The following PKD1L3 variants were observed in gnomAD, a reference collection of about 807,000 sequenced individuals.
The protein encoded by PKD1L3 is polycystin 1 like 3, transient receptor potential channel interacting.
PKD1L3 carries 239 observed loss-of-function variants against 184.1 expected under a neutral mutation model. The observed-to-expected ratio is 1.30, with a 90% CI of 1.17 to 1.45. The LOEUF (loss-of-function observed/expected upper bound fraction) is 1.45, where lower values mean the gene tolerates loss of function less well. Among genes scored for constraint, PKD1L3 ranks in the 40% most tolerant of loss-of-function variants. The pLI, the probability that PKD1L3 is intolerant of heterozygous loss-of-function variation, is 0.00. For missense variants in PKD1L3, 2,660 were observed against 2,067.2 expected (o/e 1.29, Z -5.56); for synonymous variants, 996 against 778.8 (o/e 1.28, Z -4.64).
At position 71,989,983 on chromosome 16, in the gene PKD1L3, G is replaced by A. The variant is rs191482893; in HGVS notation, c.585+297C>T. ...CCAGCTACTTGGGAGGCTGAGGCAG[G>A]AGAATCACTTGAACCCGGGAGGTAG... On this transcript the variant is annotated intron_variant, in intron 4 of 29. Coordinates refer to ENST00000620267, the MANE Select transcript of PKD1L3 (RefSeq NM_181536.2). Among the ~76,000 whole-genome samples the A allele has an allele frequency of 6.6e-3, 1,000 of 151,480 alleles. 6 individuals are homozygous for A. The highest frequency in any genetic ancestry group is 0.014 in the Middle Eastern group (4 of 290).
At chr16:71,997,420 C>A (rs1005969192) in intron 2 of PKD1L3, among the ~76,000 whole-genome samples, 5 of 151,380 alleles carry the variant, frequency 3.3e-5, no homozygotes, top group African/African-American at 7.3e-5. Context: ...GACCCCCCCC[C>A]CCACAACCAC....
intron 4 of PKD1L3, among the ~76,000 whole-genome samples, chr16:71,988,678 T>C (rs2040473703): frequency 6.6e-6 from 1 of 152,196 alleles, no homozygotes; most frequent in African/African-American, 2.4e-5. Flanking sequence ...CTCCATTCTC[T>C]TAGGGCTCCA....
chr16:71,937,464 T>TGC, intron 24 of PKD1L3, 45 bp from the exon 25 acceptor site: 1 of 1,533,896 alleles, frequency 6.5e-7, no homozygotes, highest in South Asian at 1.2e-5. Flanking sequence ...CTAAAACTTT[T>TGC]GCCCTCTTCT....
intron 15 of PKD1L3, among the ~76,000 whole-genome samples, chr16:71,964,054 G>A (rs986583741): frequency 1.3e-5 from 2 of 151,922 alleles, no homozygotes; most frequent in African/African-American, 4.8e-5. Flanking sequence ...TCTCATCTCC[G>A]CTTCACAGGC....
chr16:71,941,497 GAGA>G (rs1268649006), intron 24 of PKD1L3, among the ~76,000 whole-genome samples: 1 of 151,076 alleles, frequency 6.6e-6, no homozygotes, highest in Non-Finnish European at 1.5e-5. Flanking sequence ...AGAAAAAATG[GAGA>G]AGAAATTAAC....
At chr16:71,946,219 C>T (rs1352383596) in intron 22 of PKD1L3, among the ~76,000 whole-genome samples, 1 of 152,166 alleles carries the variant, frequency 6.6e-6, no homozygotes, top group African/African-American at 2.4e-5. Context: ...TTTTTCATCT[C>T]ACAAGGAATG....
At chr16:71,952,019 C>T (rs990394352) in intron 18 of PKD1L3, among the ~76,000 whole-genome samples, 1 of 152,068 alleles carries the variant, frequency 6.6e-6, no homozygotes, top group Admixed American at 6.6e-5. Context: ...GTACCATGCA[C>T]TCCCATTTAG....
At chr16:71,986,167 A>C in intron 5 of PKD1L3, 54 bp downstream of exon 5, 1 of 1,538,682 alleles carries the variant, frequency 6.5e-7, no homozygotes, top group South Asian at 1.2e-5. Flanking sequence ...TGGGTGAACC[A>C]AGTACTTTTT....
intron 2 of PKD1L3, among the ~76,000 whole-genome samples, chr16:71,994,458 G>C (rs966574409): frequency 1.3e-5 from 2 of 152,076 alleles, no homozygotes; most frequent in African/African-American, 4.8e-5. Flanking sequence ...CTCTCATGCT[G>C]CTACAAATCT....
At chr16:71,960,510 T>G (rs575282856) in intron 16 of PKD1L3, among the ~76,000 whole-genome samples, 1 of 151,592 alleles carries the variant, frequency 6.6e-6, no homozygotes, top group Admixed American at 6.6e-5. Context: ...AGATACAAAG[T>G]GTCAACAGGA....
chr16:71,929,757 T>C, intron 29 of PKD1L3, 79 bp from the exon 30 acceptor site: 1 of 1,323,516 alleles, frequency 7.6e-7, no homozygotes, highest in South Asian at 1.5e-5. Context: ...GTACCAAAGA[T>C]TTTTAAAAAA....
At chr16:71,968,212 G>C (rs1041492496) in intron 13 of PKD1L3, among the ~76,000 whole-genome samples, 3 of 152,132 alleles carry the variant, frequency 2.0e-5, no homozygotes, top group African/African-American at 7.2e-5. Flanking sequence ...CAGGGCCTGT[G>C]CCTCTCAAGT....
rs1298377942 is a variant in PKD1L3 at position 71,999,950 on chromosome 16, C to A, written c.29G>T (p.Trp10Leu). 4 of 1,530,294 alleles carry A rather than the reference C, an allele frequency of 2.6e-6. No homozygotes were observed. The highest frequency in any genetic ancestry group is 3.5e-6 in the Non-Finnish European group (4 of 1,131,664). The allele number at this position is 1,530,294 out of a possible 1,614,324, so 94.8% of individuals were successfully genotyped here. Residue 10 changes from tryptophan (W) to leucine (L), a missense_variant, in exon 1 of 30, where the codon TGG (tryptophan) becomes TTG (leucine). Coordinates refer to ENST00000620267, the MANE Select transcript of PKD1L3 (RefSeq NM_181536.2). The stretch of plus-strand genomic sequence containing the variant: ...AATAATACTTGTTCTGATGTATAAC[C>A]AAAGCCAGCTTCCTCCTTTGAAGAA... MFFKGGSWL[W>L]LYIRTSIILG...
rs2038667926 is a variant in PKD1L3, at chr16:71,947,594, G to A, written c.3619-3C>T. 1 of 1,521,452 alleles carries A rather than the reference G, an allele frequency of 6.6e-7. No individual in the cohort carries two copies. Among genetic ancestry groups the A allele is most frequent in the Non-Finnish European group, 8.9e-7 (1 of 1,120,908 alleles). The allele number at this position is 1,521,452 out of a possible 1,614,324, so 94.2% of individuals were successfully genotyped here. A position where few individuals can be genotyped will look rare whatever the true frequency, so the allele number is the denominator to read the frequency against. ...TATAAGAATGTGAAGAAGACCACCT[G>A]GGCAGGAGAATCACAGAACATCGTG... On this transcript the variant is annotated splice_polypyrimidine_tract_variant and splice_region_variant and intron_variant, in intron 21 of 29. Coordinates refer to ENST00000620267, the MANE Select transcript of PKD1L3 (RefSeq NM_181536.2).
chr16:71,943,928 C>T, intron 23 of PKD1L3, 102 bp downstream of exon 23: 1 of 1,334,060 alleles, frequency 7.5e-7, no homozygotes. Context: ...TTTTAAAAGA[C>T]AGCTTTTTAA....
At chr16:71,952,004 G>A (rs539742612) in intron 18 of PKD1L3, among the ~76,000 whole-genome samples, 1 of 152,182 alleles carries the variant, frequency 6.6e-6, no homozygotes, top group African/African-American at 2.4e-5. Context: ...AGCAAGGCCA[G>A]AGTGGTACCA....
chr16:71,947,731 T>G (rs9934803), intron 21 of PKD1L3, 140 bp from the exon 22 acceptor site: 455,391 of 598,270 alleles, frequency 0.76, 175,760 homozygotes, highest in East Asian at 0.97. Context: ...TAATTTCACA[T>G]TAATTTTTGC....
At chr16:71,963,384 G>C in intron 15 of PKD1L3, 33 bp from the exon 16 acceptor site, 1 of 1,517,294 alleles carries the variant, frequency 6.6e-7, no homozygotes. Flanking sequence ...ACATTAGGGA[G>C]ATGGGCTTGA....
At chr16:71,963,129 A>G in intron 16 of PKD1L3, 76 bp downstream of exon 16, 1 of 1,359,102 alleles carries the variant, frequency 7.4e-7, no homozygotes, top group Non-Finnish European at 9.8e-7. Flanking sequence ...TTTGCATTAA[A>G]AACAATTCAA....
Sources: allele counts gnomAD v4.1 joint callset (sites outside exome capture counted in the v4.1 genomes callset), GRCh38; gene constraint gnomAD v4.1.1; transcripts MANE v1.5; gene names NCBI Gene and HGNC (gene_info 2026-07-23, HGNC 2026-07-21).